SAV1: variants seen among roughly 807,000 people sequenced by gnomAD.
SAV1 encodes protein salvador homolog 1.
SAV1 carries 23 observed loss-of-function variants against 47.3 expected under a neutral mutation model. That is an observed-to-expected ratio of 0.49 (90% CI 0.35 to 0.69). The LOEUF (loss-of-function observed/expected upper bound fraction) is 0.69. Among genes scored for constraint, SAV1 ranks in the 30% least tolerant of loss-of-function variants. The pLI, the probability that SAV1 is intolerant of heterozygous loss-of-function variation, is 0.01. For missense variants in SAV1, 448 were observed against 457.4 expected, an observed-to-expected ratio of 0.98 and a Z score of 0.19; for synonymous variants, 155 against 159.2, an observed-to-expected ratio of 0.97 and a Z score of 0.20.
chr14:50,653,564 C>T (rs542376236), intron 2 of SAV1, among the ~76,000 whole-genome samples: 2 of 152,186 alleles, frequency 1.3e-5, no homozygotes, highest in South Asian at 4.2e-4. Flanking sequence ...GTTTGTTTCC[C>T]AGTGAACCTT....
At chr14:50,640,624 G>A (rs942831113) in intron 4 of SAV1, 126 bp downstream of exon 4, 23 of 656,020 alleles carry the variant, frequency 3.5e-5, no homozygotes, top group East Asian at 3.0e-5. Context: ...TTCAAGTCAC[G>A]TATTACTTAG....
intron 2 of SAV1, among the ~76,000 whole-genome samples, chr14:50,647,084 C>G (rs1244041702): frequency 6.6e-6 from 1 of 152,086 alleles, no homozygotes; most frequent in African/African-American, 2.4e-5. Context: ...TGCCACCTTA[C>G]ATACAAATTA....
chr14:50,653,281 T>C (rs2039784658), intron 2 of SAV1, among the ~76,000 whole-genome samples: 1 of 152,198 alleles, frequency 6.6e-6, no homozygotes, highest in Non-Finnish European at 1.5e-5. Flanking sequence ...CATGAGTTCA[T>C]GGTTACTTTT....
Position 50,665,537 on chromosome 14 carries a change from G to A in SAV1, c.177C>T (p.Ala59=), listed in dbSNP as rs1289743194. The A allele has an allele frequency of 1.2e-6, 2 of 1,613,928 alleles. No homozygotes were observed. Among genetic ancestry groups the A allele is most frequent in the African/African-American group, 1.3e-5 (1 of 74,918 alleles). Reference sequence around the variant, plus strand: ...AAACTACATCTCCAGAAGTTGAAAAGGCATTAGGGCTTGAATCTGGAAGAC... The same window carrying A: ...AAACTACATCTCCAGAAGTTGAAAAAGCATTAGGGCTTGAATCTGGAAGAC... ...DICLPDSSPN[A]FSTSGDVVSR... Residue 59 remains alanine (A), a synonymous_variant, in exon 2 of 5, where the codon GCC becomes GCT. Transcript: ENST00000324679.
At chr14:50,636,449 G>A (rs1412745442) in intron 4 of SAV1, among the ~76,000 whole-genome samples, 1 of 152,156 alleles carries the variant, frequency 6.6e-6, no homozygotes, top group Non-Finnish European at 1.5e-5. Context: ...AAGAAGGAAA[G>A]AATAAACTTT....
intron 2 of SAV1, among the ~76,000 whole-genome samples, chr14:50,652,674 G>A (rs1464802867): frequency 6.6e-6 from 1 of 152,162 alleles, no homozygotes; most frequent in African/African-American, 2.4e-5. Context: ...TTGGAGAAAC[G>A]GCTTCTGGGT....
chr14:50,650,830 G>A (rs573561301), intron 2 of SAV1, among the ~76,000 whole-genome samples: 2 of 150,384 alleles, frequency 1.3e-5, no homozygotes, highest in African/African-American at 2.4e-5. Context: ...GAGACCAGCC[G>A]GGCCAAGACG....
chr14:50,646,433 C>A (rs1422930898), intron 2 of SAV1, among the ~76,000 whole-genome samples: 1 of 152,184 alleles, frequency 6.6e-6, no homozygotes, highest in Non-Finnish European at 1.5e-5. Context: ...CGCCTGTAAT[C>A]CGAGCACTTT....
At position 50,635,171 on chromosome 14, in the gene SAV1, T is replaced by TA. The variant is rs764985040; in HGVS notation, c.*11dup. 7 of 1,609,742 alleles carry TA rather than the reference T, an allele frequency of 4.3e-6. No individual in the cohort carries two copies. In the Admixed American group the frequency reaches 1.0e-4, roughly 23 times the overall value. ...AAAGCTCTTACAAAACTTAAATTTT[T>TA]AAAAAATCAGCTCAAAAATTTTTTC... On this transcript the variant is annotated 3_prime_UTR_variant, in exon 5 of 5. Transcript: ENST00000324679.
intron 2 of SAV1, among the ~76,000 whole-genome samples, chr14:50,659,645 T>C (rs906981124): frequency 3.3e-5 from 5 of 152,120 alleles, no homozygotes; most frequent in Non-Finnish European, 7.3e-5. Flanking sequence ...GCTTGGGAGT[T>C]TGACCAGCCT....
At chr14:50,657,024 C>CT (rs3080610) in intron 2 of SAV1, among the ~76,000 whole-genome samples, 31,556 of 122,108 alleles carry the variant, frequency 0.26, 4,831 homozygotes, top group African/African-American at 0.43. Context: ...AAAACACTCA[C>CT]TTTTTTTTTT....
chr14:50,637,070 A>G (rs1351067419), intron 4 of SAV1, among the ~76,000 whole-genome samples: 1 of 152,228 alleles, frequency 6.6e-6, no homozygotes, highest in Non-Finnish European at 1.5e-5. Context: ...TATACTTGGC[A>G]TTTTGACATG....
rs375862752 is a variant in SAV1 at position 50,667,855 on chromosome 14, C to T, written c.94+19G>A. ...TGGCCGCCTGGGCCAGGTGTGGGCA[C>T]GCCCCGCCTGACACTCACTCCGAAG... On this transcript the variant is annotated intron_variant, in intron 1 of 4. Transcript: ENST00000324679. The T allele has an allele frequency of 2.5e-5, 40 of 1,607,540 alleles. No individual in the cohort carries two copies. In the African/African-American group the frequency reaches 4.4e-4, roughly 18 times the overall value.
At position 50,665,433 on chromosome 14, in the gene SAV1, G is replaced by C; in HGVS notation, c.281C>G (p.Ser94Cys). Residue 94 changes from serine to cysteine, a missense_variant, in exon 2 of 5, where the codon TCT becomes TGT. Coordinates refer to ENST00000324679, the MANE Select transcript of SAV1 (RefSeq NM_021818.4). ...ACTTCTGGCAAGATAAGAAGGTGCA[G>C]ATAATCTGTTGCTTTCTCTTCTCAT... is the stretch of plus-strand genomic sequence containing the variant. Reference protein sequence around the residue: ...EIMRRESNRLSAPSYLARSLA... With the variant: ...EIMRRESNRLCAPSYLARSLA... 6.2e-7 allele frequency: 1 copy of C among 1,613,430 alleles called. No individual in the cohort carries two copies. Among genetic ancestry groups the C allele is most frequent in the Non-Finnish European group, 8.5e-7 (1 of 1,179,610 alleles).
chr14:50,665,238 T>G lies in SAV1; in HGVS notation c.476A>C (p.Tyr159Ser). 6.2e-7 allele frequency: 1 copy of G among 1,611,126 alleles called. No individual in the cohort carries two copies. The highest frequency in any genetic ancestry group is 8.5e-7 in the Non-Finnish European group (1 of 1,179,088). ...GDRAHEDYRY[Y>S]EYNHDLFQRM... ...TTGGAAGAGATCATGGTTGTATTCA[T>G]AATATCTGTAGTCTTCATGTGCACG... Residue 159 changes from tyrosine (Y) to serine (S), a missense_variant, in exon 2 of 5, where the codon TAT (tyrosine) becomes TCT (serine). Physicochemically the swap from Tyr to Ser is moderately radical, Grantham distance 144. Transcript: ENST00000324679.
In SAV1 at chr14:50,634,048, A is replaced by C. The variant is rs965089765; in HGVS notation, c.*1135T>G. 1 of 291,734 alleles carries C rather than the reference A, an allele frequency of 3.4e-6. No individual in the cohort carries two copies. The allele number at this position is 291,734 out of a possible 1,614,324, so 18.1% of individuals were successfully genotyped here. ...TATACATTCGATTTAATGACCAAAA[A>C]TTTTTTTTGAATCCCTGGTTGTCAT... On this transcript the variant is annotated 3_prime_UTR_variant, in exon 5 of 5. Coordinates refer to ENST00000324679, the MANE Select transcript of SAV1 (RefSeq NM_021818.4).
At chr14:50,658,846 C>T (rs545262432) in intron 2 of SAV1, among the ~76,000 whole-genome samples, 2 of 152,262 alleles carry the variant, frequency 1.3e-5, no homozygotes, top group South Asian at 4.1e-4. Context: ...CTTTCAGCTA[C>T]TGTCTCATAT....
chr14:50,635,165 A>G lies in SAV1; in HGVS notation c.*18T>C, dbSNP rs1387736817. The G allele has an allele frequency of 2.5e-6, 4 of 1,606,910 alleles. No individual in the cohort carries two copies. Among genetic ancestry groups the G allele is most frequent in the Non-Finnish European group, 3.4e-6 (4 of 1,175,112 alleles). The stretch of plus-strand genomic sequence containing the variant: ...TATTTTAAAGCTCTTACAAAACTTA[A>G]ATTTTTAAAAAATCAGCTCAAAAAT... On this transcript the variant is annotated 3_prime_UTR_variant, in exon 5 of 5. Transcript: ENST00000324679.
At chr14:50,667,389 A>G in intron 1 of SAV1, 1 of 455,960 alleles carries the variant, frequency 2.2e-6, no homozygotes, top group South Asian at 1.5e-5. Context: ...CACCTTCTCA[A>G]GTCTGCATCC....
Sources: gnomAD v4.1 joint callset for allele counts (sites outside exome capture counted in the v4.1 genomes callset) on GRCh38, gnomAD v4.1.1 for gene constraint, MANE v1.5 for transcripts, NCBI Gene and HGNC (gene_info 2026-07-23, HGNC 2026-07-21) for gene names.